The following MSRB3 variants were observed in gnomAD, a reference collection of about 807,000 sequenced individuals.
The protein encoded by MSRB3 is methionine-R-sulfoxide reductase B3.
In MSRB3, 13 loss-of-function variants were observed where a neutral mutation model predicts 21.0. That is an observed-to-expected ratio of 0.62 (90% CI 0.40 to 0.98). The LOEUF (loss-of-function observed/expected upper bound fraction) is 0.98. Among genes scored for constraint, MSRB3 ranks in the 50% least tolerant of loss-of-function variants. The probability of loss-of-function intolerance (pLI) is 0.00; values close to 1 mark genes in which losing one functional copy is unlikely to be tolerated. For synonymous variants in MSRB3, 87 were observed against 88.6 expected, an observed-to-expected ratio of 0.98 and a Z score of 0.10; for missense variants, 199 against 230.3, an observed-to-expected ratio of 0.86 and a Z score of 0.88.
Position 65,463,118 on chromosome 12 carries a change from A to G in MSRB3, c.391-37A>G, listed in dbSNP as rs1315724522. 5.6e-6 allele frequency: 9 copies of G among 1,612,576 alleles called. No individual in the cohort carries two copies. In the Admixed American group the frequency reaches 8.3e-5, roughly 15 times the overall value. ...GAATTCCTCTCAAAGCCTGCTTTGT[A>G]CATGCTTTTCCCTGACGTTTTGTTC... On this transcript the variant is annotated intron_variant, in intron 6 of 6. Coordinates refer to ENST00000308259, the MANE Select transcript of MSRB3 (RefSeq NM_001031679.3).
At chr12:65,373,470 A>C (rs1172779900) in intron 5 of MSRB3, among the ~76,000 whole-genome samples, 2 of 152,158 alleles carry the variant, frequency 1.3e-5, no homozygotes, top group Non-Finnish European at 2.9e-5. Context: ...TGAAGTACCA[A>C]GTTAAATGGT....
At chr12:65,355,137 G>T (rs1877308437) in intron 4 of MSRB3, among the ~76,000 whole-genome samples, 1 of 151,826 alleles carries the variant, frequency 6.6e-6, no homozygotes, top group African/African-American at 2.4e-5. Flanking sequence ...CCTTCTGGGG[G>T]ATAGGAAATT....
At chr12:65,423,534 T>G (rs1203679599) in intron 5 of MSRB3, among the ~76,000 whole-genome samples, 1 of 152,200 alleles carries the variant, frequency 6.6e-6, no homozygotes, top group African/African-American at 2.4e-5. Context: ...CCTAATTTGT[T>G]GAGAGCTTTT....
At chr12:65,421,567 C>T (rs74698797) in intron 5 of MSRB3, among the ~76,000 whole-genome samples, 6,790 of 152,180 alleles carry the variant, frequency 0.045, 516 homozygotes, top group African/African-American at 0.16. Flanking sequence ...GTATTGCCTA[C>T]GTTGTCTTGC....
intron 4 of MSRB3, among the ~76,000 whole-genome samples, chr12:65,364,711 T>G (rs892046159): frequency 6.6e-5 from 10 of 152,164 alleles, no homozygotes; most frequent in Non-Finnish European, 1.5e-4. Context: ...GATTTAAGAG[T>G]CGAGGTGATC....
At chr12:65,395,724 G>T (rs1001670148) in intron 5 of MSRB3, among the ~76,000 whole-genome samples, 1 of 152,008 alleles carries the variant, frequency 6.6e-6, no homozygotes, top group Non-Finnish European at 1.5e-5. Context: ...ATTTCTTCTT[G>T]TGTGAGTTGG....
intron 1 of MSRB3, among the ~76,000 whole-genome samples, chr12:65,306,510 C>T (rs116993063): frequency 2.0e-5 from 3 of 152,100 alleles, no homozygotes; most frequent in Non-Finnish European, 4.4e-5. Context: ...TAAAATAATT[C>T]GGATAATATC....
Position 65,292,296 on chromosome 12 carries a change from G to C in MSRB3, c.-52+13431G>C, listed in dbSNP as rs77966564. Reference sequence around the variant, plus strand: ...AGGCAAATTAGTTATCTGTGCCTCAGTTTTGTCACTTATAGAATGGAGATA... The same window carrying C: ...AGGCAAATTAGTTATCTGTGCCTCACTTTTGTCACTTATAGAATGGAGATA... On this transcript the variant is annotated intron_variant, in intron 1 of 6. Transcript: ENST00000308259. 3.9e-3 allele frequency among the ~76,000 whole-genome samples: 599 copies of C among 152,250 alleles called. 24 individuals carry two copies. The East Asian group carries it at 0.065, about 17-fold the overall frequency.
chr12:65,363,224 A>C (rs549023761), intron 4 of MSRB3, among the ~76,000 whole-genome samples: 1 of 152,302 alleles, frequency 6.6e-6, no homozygotes, highest in South Asian at 2.1e-4. Context: ...TCCCATTTTA[A>C]AATTTTTGAT....
intron 5 of MSRB3, among the ~76,000 whole-genome samples, chr12:65,373,234 T>C (rs1353028570): frequency 6.6e-6 from 1 of 152,224 alleles, no homozygotes; most frequent in Non-Finnish European, 1.5e-5. Flanking sequence ...TCTTCTGAAT[T>C]CTGGGTATAA....
At chr12:65,376,282 G>A (rs1215134898) in intron 5 of MSRB3, among the ~76,000 whole-genome samples, 2 of 152,156 alleles carry the variant, frequency 1.3e-5, no homozygotes, top group African/African-American at 4.8e-5. Flanking sequence ...ACTGCGCCCG[G>A]CTAATTTTTT....
chr12:65,441,130 C>T (rs535031633), intron 5 of MSRB3, among the ~76,000 whole-genome samples: 1 of 151,956 alleles, frequency 6.6e-6, no homozygotes, highest in East Asian at 1.9e-4. Flanking sequence ...GTCTGAGATT[C>T]AACACTCTTC....
Position 65,463,319 on chromosome 12 carries a change from C to A in MSRB3, c.555C>A (p.Leu185=). The stretch of plus-strand genomic sequence containing the variant: ...CGGCCCAGGCAGACAAAGCGGAGCT[C>A]TAGAGTAATGGAGAGTGATGGAAAC... ...ASPAQADKAE[L] The change falls in exon 7 of 7, where the codon CTC becomes CTA. Residue 185 remains leucine (L), a synonymous_variant. Transcript: ENST00000308259. The A allele has an allele frequency of 6.2e-7, 1 of 1,614,070 alleles. No individual in the cohort carries two copies. Among genetic ancestry groups the A allele is most frequent in the South Asian group, 1.1e-5 (1 of 91,074 alleles).
intron 5 of MSRB3, among the ~76,000 whole-genome samples, chr12:65,376,574 A>G (rs752943843): frequency 3.3e-5 from 5 of 152,090 alleles, no homozygotes; most frequent in African/African-American, 1.2e-4. Context: ...CTAAACTAAC[A>G]CAGGAACAGA....
intron 4 of MSRB3, among the ~76,000 whole-genome samples, chr12:65,353,888 G>A (rs1162012983): frequency 2.6e-5 from 4 of 151,928 alleles, no homozygotes; most frequent in Admixed American, 6.6e-5. Flanking sequence ...CATGTTTAGT[G>A]CTTCCTTCAG....
At chr12:65,456,937 T>A (rs925041636) in intron 6 of MSRB3, among the ~76,000 whole-genome samples, 1 of 152,208 alleles carries the variant, frequency 6.6e-6, no homozygotes, top group Non-Finnish European at 1.5e-5. Context: ...AATTTCTCTG[T>A]CTTTTATTTG....
In MSRB3 at chr12:65,416,568, C is replaced by T. The variant is rs139561720; in HGVS notation, c.293-37160C>T. ...TAGCCTATTGCTTTTAGGCTACTAA[C>T]CTCCACAACATGTTACCGTACTGAA... On this transcript the variant is annotated intron_variant, in intron 5 of 6. Coordinates refer to ENST00000308259, the MANE Select transcript of MSRB3 (RefSeq NM_001031679.3). Among the ~76,000 whole-genome samples, 102 of 152,312 alleles carry T rather than the reference C, an allele frequency of 6.7e-4. No homozygotes were observed. The East Asian group carries it at 0.018, about 27-fold the overall frequency.
At chr12:65,427,776 G>C (rs747053422) in intron 5 of MSRB3, among the ~76,000 whole-genome samples, 5 of 152,230 alleles carry the variant, frequency 3.3e-5, no homozygotes, top group Non-Finnish European at 5.9e-5. Context: ...AATGTGTGTA[G>C]TTACAGTGGT....
chr12:65,390,114 G>A (rs912536303), intron 5 of MSRB3, among the ~76,000 whole-genome samples: 2 of 152,086 alleles, frequency 1.3e-5, no homozygotes, highest in South Asian at 4.2e-4. Flanking sequence ...CTCTTTTCTA[G>A]TTCAAAGTAG....
Sources: gnomAD v4.1 joint callset for allele counts (sites outside exome capture counted in the v4.1 genomes callset) on GRCh38, gnomAD v4.1.1 for gene constraint, MANE v1.5 for transcripts, NCBI Gene and HGNC (gene_info 2026-07-23, HGNC 2026-07-21) for gene names.